The following CAMSAP1 variants were observed in gnomAD, a reference collection of about 807,000 sequenced individuals.
CAMSAP1 encodes the protein calmodulin regulated spectrin associated protein 1, also known as calmodulin-regulated spectrin-associated protein 1.
CAMSAP1 carries 58 observed loss-of-function variants against 143.5 expected under a neutral mutation model. The ratio of observed to expected loss-of-function variants is 0.40; its 90% CI spans 0.33 to 0.50. CAMSAP1 has a LOEUF of 0.50. Ranked by LOEUF, CAMSAP1 falls within the 20% of genes least tolerant of loss-of-function variation. The probability of loss-of-function intolerance (pLI) is 0.45; values close to 1 mark genes in which losing one functional copy is unlikely to be tolerated. For missense variants in CAMSAP1, 1,969 were observed against 2,115.7 expected (o/e 0.93, Z 1.36); for synonymous variants, 945 against 859.3 (o/e 1.10, Z -1.74).
intron 15 of CAMSAP1, 60 bp downstream of exon 15, chr9:135,815,830 G>A: frequency 7.6e-7 from 1 of 1,316,158 alleles, no homozygotes; most frequent in Non-Finnish European, 1.1e-6. Flanking sequence ...TATTGAAAGA[G>A]CCACGCAAAG....
At chr9:135,844,240 TAACA>T (rs1211698340) in intron 7 of CAMSAP1, among the ~76,000 whole-genome samples, 31 of 152,238 alleles carry the variant, frequency 2.0e-4, no homozygotes, top group African/African-American at 7.2e-4. Context: ...ACGGAAATCA[TAACA>T]AACAATCTCT....
chr9:135,894,812 G>A (rs189963119), intron 1 of CAMSAP1, among the ~76,000 whole-genome samples: 2 of 152,336 alleles, frequency 1.3e-5, no homozygotes, highest in Admixed American at 1.3e-4. Context: ...CAAACACCAT[G>A]ATAAATCAAA....
chr9:135,833,327 C>T (rs1320859527), intron 7 of CAMSAP1, among the ~76,000 whole-genome samples: 1 of 152,062 alleles, frequency 6.6e-6, no homozygotes, highest in South Asian at 2.1e-4. Context: ...GTGATCCGCC[C>T]GCCTCGGCCT....
chr9:135,901,827 C>T (rs1201682781), intron 1 of CAMSAP1, among the ~76,000 whole-genome samples: 3 of 152,138 alleles, frequency 2.0e-5, no homozygotes, highest in African/African-American at 7.2e-5. Flanking sequence ...GCACCATAAA[C>T]AATCTGGCCC....
chr9:135,818,216 C>G lies in CAMSAP1; in HGVS notation c.4169-137G>C. The G allele has an allele frequency of 8.7e-7, 1 of 1,144,308 alleles. No individual in the cohort carries two copies. The highest frequency in any genetic ancestry group is 1.2e-6 in the Non-Finnish European group (1 of 812,136). The allele number at this position is 1,144,308 out of a possible 1,614,324, so 70.9% of individuals were successfully genotyped here. ...GCGTCCCCACCCCATCCCGGGGAGC[C>G]GGGCTGCGCCTGGATGTGCCGCACA... On this transcript the variant is annotated intron_variant, in intron 13 of 16. Transcript: ENST00000389532. The surrounding 1 kb of genome is among the most constrained non-coding windows in gnomAD (Gnocchi z 7.7).
Position 135,865,183 on chromosome 9 carries a change from T to C in CAMSAP1, c.666+1273A>G, listed in dbSNP as rs140985190. ...CCTATTCGGCTCAGAATCAGGCCAATTCTTGTACTATATAAATAACTCCAA... is the reference window on the plus strand; with the variant it reads ...CCTATTCGGCTCAGAATCAGGCCAACTCTTGTACTATATAAATAACTCCAA... On this transcript the variant is annotated intron_variant, in intron 4 of 16. Coordinates refer to ENST00000389532, the MANE Select transcript of CAMSAP1 (RefSeq NM_015447.4). 3.1e-4 allele frequency: 231 copies of C among 745,510 alleles called. 1 individual carries two copies. The African/African-American group carries it at 3.8e-3, about 12-fold the overall frequency. 46.2% of individuals were successfully genotyped at this position (745,510 alleles called of 1,614,324 possible).
chr9:135,839,836 C>G (rs1269865873), intron 7 of CAMSAP1, among the ~76,000 whole-genome samples: 1 of 151,974 alleles, frequency 6.6e-6, no homozygotes, highest in Admixed American at 6.6e-5. Context: ...CACAAGGGCC[C>G]CTGACGACCA....
intron 3 of CAMSAP1, among the ~76,000 whole-genome samples, chr9:135,877,559 A>ATTTTG (rs1302496872): frequency 6.6e-6 from 1 of 151,976 alleles, no homozygotes; most frequent in Non-Finnish European, 1.5e-5. Context: ...TAATCCTACC[A>ATTTTG]TTTTGGGAGG....
chr9:135,824,655 C>T lies in CAMSAP1; in HGVS notation c.1315+134G>A, dbSNP rs1835607191. 1.4e-6 allele frequency: 1 copy of T among 692,980 alleles called. No homozygotes were observed. Among genetic ancestry groups the T allele is most frequent in the Non-Finnish European group, 2.3e-6 (1 of 430,722 alleles). The allele number at this position is 692,980 out of a possible 1,614,324, so 42.9% of individuals were successfully genotyped here. A position where few individuals can be genotyped will look rare whatever the true frequency, so the allele number is the denominator to read the frequency against. On this transcript the variant is annotated intron_variant, in intron 9 of 16. Transcript: ENST00000389532. The surrounding 1 kb of genome is among the most constrained non-coding windows in gnomAD (Gnocchi z 4.1). ...ACTTCAGCCTGGTGACAGAGCAAGA[C>T]TCCATCTCAAAAAACAAACAAACAA...
At chr9:135,900,792 T>C (rs1161689214) in intron 1 of CAMSAP1, among the ~76,000 whole-genome samples, 2 of 152,110 alleles carry the variant, frequency 1.3e-5, no homozygotes, top group Non-Finnish European at 2.9e-5. Flanking sequence ...TTTCACTCTG[T>C]TGCCCAGGCT....
intron 1 of CAMSAP1, among the ~76,000 whole-genome samples, chr9:135,898,739 G>A (rs1486727926): frequency 6.6e-6 from 1 of 152,136 alleles, no homozygotes; most frequent in African/African-American, 2.4e-5. Flanking sequence ...AGGATGCAAA[G>A]CAACTGGAAT....
chr9:135,902,701 C>G (rs1287892100), intron 1 of CAMSAP1, among the ~76,000 whole-genome samples: 1 of 152,212 alleles, frequency 6.6e-6, no homozygotes, highest in Admixed American at 6.5e-5. Context: ...CCACAGCATC[C>G]TCACACTGAT....
Position 135,815,916 on chromosome 9 carries a change from G to A in CAMSAP1, c.4361C>T (p.Ser1454Phe). The change falls in exon 15 of 17, where the codon TCC becomes TTC. Residue 1454 changes from serine to phenylalanine, a missense_variant. By Grantham distance (155) the Ser-to-Phe change is radical (BLOSUM62 -2). Transcript: ENST00000389532. ...TGTGTACTCGGCCACTGAGGCCAGG[G>A]AAGATGCCGCCGACGCGGTCTCCCA... Reference protein sequence around the residue: ...RDWETASAASSLASVAEYTGP... With the variant: ...RDWETASAASFLASVAEYTGP... The A allele has an allele frequency of 6.2e-7, 1 of 1,613,770 alleles. No homozygotes were observed.
At chr9:135,902,187 T>C (rs143183832) in intron 1 of CAMSAP1, among the ~76,000 whole-genome samples, 3 of 152,334 alleles carry the variant, frequency 2.0e-5, no homozygotes, top group African/African-American at 7.2e-5. Flanking sequence ...CAGGAAGCAT[T>C]TGAAGATGCT....
At chr9:135,902,973 C>A (rs1308265525) in intron 1 of CAMSAP1, among the ~76,000 whole-genome samples, 1 of 152,212 alleles carries the variant, frequency 6.6e-6, no homozygotes, top group Non-Finnish European at 1.5e-5. Context: ...CCGCCGACAT[C>A]CTTGCAAAGA....
chr9:135,896,777 C>G (rs1364007062), intron 1 of CAMSAP1, among the ~76,000 whole-genome samples: 1 of 152,174 alleles, frequency 6.6e-6, no homozygotes, highest in African/African-American at 2.4e-5. Context: ...TTTTCTGCCC[C>G]TGCAAAATTC....
intron 7 of CAMSAP1, among the ~76,000 whole-genome samples, chr9:135,834,068 T>C (rs897248890): frequency 6.6e-6 from 1 of 152,154 alleles, no homozygotes; most frequent in Non-Finnish European, 1.5e-5. Flanking sequence ...TTGCTCAACA[T>C]GGCCAGTCAT....
Position 135,810,702 on chromosome 9 carries a change from T to C in CAMSAP1, c.*607A>G, listed in dbSNP as rs185966500. ...TTTTCTGAGCAGCAAGGGATAAGAA[T>C]TTTTTTTCAGAAATCTTAGAATTGG... On this transcript the variant is annotated 3_prime_UTR_variant, in exon 17 of 17. Coordinates refer to ENST00000389532, the MANE Select transcript of CAMSAP1 (RefSeq NM_015447.4). 1.3e-5 allele frequency: 2 copies of C among 152,580 alleles called. No homozygotes were observed. Among genetic ancestry groups the C allele is most frequent in the African/African-American group, 4.8e-5 (2 of 41,480 alleles). The allele number at this position is 152,580 out of a possible 1,614,324, so 9.5% of individuals were successfully genotyped here.
chr9:135,852,386 T>C (rs1375095887), intron 5 of CAMSAP1, among the ~76,000 whole-genome samples: 1 of 152,186 alleles, frequency 6.6e-6, no homozygotes, highest in Admixed American at 6.5e-5. Context: ...TTTGTGCTTT[T>C]TATAATTTTG....
Sources: gnomAD v4.1 joint callset for allele counts (sites outside exome capture counted in the v4.1 genomes callset) on GRCh38, gnomAD v4.1.1 for gene constraint, Gnocchi (gnomAD v3.1) non-coding constraint, MANE v1.5 for transcripts, NCBI Gene and HGNC (gene_info 2026-07-23, HGNC 2026-07-21) for gene names.